PCDHA4: variants seen among roughly 807,000 people sequenced by gnomAD.
PCDHA4 encodes protocadherin alpha 4, also known as protocadherin alpha-4.
PCDHA4 carries 49 observed loss-of-function variants against 61.4 expected under a neutral mutation model. The observed-to-expected ratio is 0.80, with a 90% confidence interval of 0.63 to 1.01. The LOEUF is 1.01. Among genes scored for constraint, PCDHA4 ranks in the 50% least tolerant of loss-of-function variants. The pLI, the probability that PCDHA4 is intolerant of heterozygous loss-of-function variation, is 0.00. For synonymous variants in PCDHA4, 590 were observed against 550.3 expected, an observed-to-expected ratio of 1.07 and a Z score of -1.01; for missense variants, 1,254 against 1,235.8, an observed-to-expected ratio of 1.01 and a Z score of -0.22.
At chr5:140,910,690 G>T (rs2153515620) in intron 1 of PCDHA4, among the ~76,000 whole-genome samples, 1 of 152,224 alleles carries the variant, frequency 6.6e-6, no homozygotes, top group African/African-American at 2.4e-5. Context: ...GGCATTTCCA[G>T]CTTGCTCACA....
At chr5:140,938,536 G>T (rs1443736475) in intron 1 of PCDHA4, among the ~76,000 whole-genome samples, 2 of 140,060 alleles carry the variant, frequency 1.4e-5, no homozygotes, top group Non-Finnish European at 3.2e-5. Context: ...TGGATAATAT[G>T]GATTTTTATC....
chr5:140,922,049 T>G (rs1368623726), intron 1 of PCDHA4, among the ~76,000 whole-genome samples: 1 of 152,066 alleles, frequency 6.6e-6, no homozygotes, highest in African/African-American at 2.4e-5. Context: ...CCCACATACC[T>G]TCAAAATGTA....
In PCDHA4 at chr5:140,858,035, ACTGTG is replaced by A. The variant is rs564025916; in HGVS notation, c.2385+48466_2385+48470del. On this transcript the variant is annotated intron_variant, in intron 1 of 3. Transcript: ENST00000530339. Reference sequence around the variant, plus strand: ...CGAGCCGTCGCTGACGGCCACGGCCACTGTGCTTGTGTCGCTTGTGGAGGGCAGCC... The same window carrying A: ...CGAGCCGTCGCTGACGGCCACGGCCACTTGTGTCGCTTGTGGAGGGCAGCC... The A allele has an allele frequency of 2.7e-4, 428 of 1,597,220 alleles. 17 individuals are homozygous for A. The African/African-American group carries it at 5.1e-3, about 19-fold the overall frequency.
At chr5:140,843,758 A>T (rs2150366226) in intron 1 of PCDHA4, 1 of 1,503,376 alleles carries the variant, frequency 6.7e-7, no homozygotes, top group East Asian at 2.3e-5. Flanking sequence ...CTATTTGTGG[A>T]AATTGTAGTT....
At chr5:140,809,616 C>G (rs1193307431) in intron 1 of PCDHA4, 44 bp downstream of exon 1, 1 of 1,514,914 alleles carries the variant, frequency 6.6e-7, no homozygotes, top group Admixed American at 2.2e-5. Context: ...TATTGTTTTT[C>G]TCTATCAACT....
chr5:140,984,359 T>A (rs1372089743), intron 3 of PCDHA4, among the ~76,000 whole-genome samples: 1 of 152,242 alleles, frequency 6.6e-6, no homozygotes, highest in Non-Finnish European at 1.5e-5. Flanking sequence ...ATTTCATACA[T>A]CTGGCCAAGT....
chr5:140,891,861 T>C (rs1346164388), intron 1 of PCDHA4, among the ~76,000 whole-genome samples: 1 of 152,174 alleles, frequency 6.6e-6, no homozygotes, highest in Non-Finnish European at 1.5e-5. Context: ...GTCCCTCTCT[T>C]ATGCTTTTGG....
intron 1 of PCDHA4, chr5:140,926,648 G>A (rs1319870606): frequency 2.5e-5 from 12 of 475,704 alleles, no homozygotes; most frequent in Non-Finnish European, 3.5e-6. Context: ...CACCCGGCCG[G>A]CTCCGCTTTC....
At position 140,869,552 on chromosome 5, in the gene PCDHA4, C is replaced by T. The variant is rs537127263; in HGVS notation, c.2385+59980C>T. ...ATTGCGGAATCTAAGCAATCGGACTCGCGTTTTCCACTAGAGGGAGCTTCT... is the reference window on the plus strand; with the variant it reads ...ATTGCGGAATCTAAGCAATCGGACTTGCGTTTTCCACTAGAGGGAGCTTCT... On this transcript the variant is annotated intron_variant, in intron 1 of 3. Transcript: ENST00000530339. 4 of 1,614,140 alleles carry T rather than the reference C, an allele frequency of 2.5e-6. No homozygotes were observed. In the East Asian group the frequency reaches 6.7e-5, roughly 27 times the overall value.
chr5:140,951,141 T>G (rs2094552248), intron 1 of PCDHA4, among the ~76,000 whole-genome samples: 1 of 100,612 alleles, frequency 9.9e-6, no homozygotes, highest in Non-Finnish European at 2.0e-5. Context: ...TTCCTTTATC[T>G]TATTGAATAT....
chr5:140,926,997 C>G (rs782110120), intron 1 of PCDHA4: 4 of 1,612,104 alleles, frequency 2.5e-6, no homozygotes, highest in African/African-American at 2.7e-5. Flanking sequence ...GGGGCGTAGC[C>G]GTAGGCAATC....
intron 3 of PCDHA4, among the ~76,000 whole-genome samples, chr5:141,001,942 TAAG>T (rs140166770): frequency 0.017 from 2,515 of 151,936 alleles, 63 homozygotes; most frequent in African/African-American, 0.058. Context: ...TGAGCGGAAA[TAAG>T]GAGGAGGGAG....
At chr5:140,871,405 C>T (rs1554165555) in intron 1 of PCDHA4, 10 of 1,614,106 alleles carry the variant, frequency 6.2e-6, no homozygotes, top group Non-Finnish European at 7.6e-6. Flanking sequence ...TAAGACGGAC[C>T]TCATGGCCTT....
intron 1 of PCDHA4, among the ~76,000 whole-genome samples, chr5:140,846,538 C>A (rs553937365): frequency 1.3e-5 from 2 of 148,384 alleles, no homozygotes; most frequent in African/African-American, 4.9e-5. Context: ...CCATGCCCTG[C>A]TAATTTTTTG....
At chr5:140,941,214 C>CTTTCTTTCTTTCTTTTT (rs1554214039) in intron 1 of PCDHA4, among the ~76,000 whole-genome samples, 1 of 122,414 alleles carries the variant, frequency 8.2e-6, no homozygotes, top group East Asian at 2.3e-4. Context: ...TTTCTTTCTT[C>CTTTCTTTCTTTCTTTTT]CTTTCTTTCT....
intron 1 of PCDHA4, among the ~76,000 whole-genome samples, chr5:140,833,040 A>T (rs1043958176): frequency 3.9e-5 from 6 of 152,216 alleles, no homozygotes; most frequent in Non-Finnish European, 8.8e-5. Context: ...TGTGATATAA[A>T]GCAAGAAAAG....
chr5:140,883,787 T>C (rs2059820580), intron 1 of PCDHA4: 2 of 1,612,408 alleles, frequency 1.2e-6, no homozygotes, highest in Non-Finnish European at 1.7e-6. Context: ...GCTGTCGAGC[T>C]ACGTGTCGGT....
At chr5:140,853,620 T>C (rs2042810253) in intron 1 of PCDHA4, 2 of 988,130 alleles carry the variant, frequency 2.0e-6, no homozygotes, top group African/African-American at 1.8e-5. Context: ...TGTAAATAAG[T>C]ATACAAGATC....
chr5:140,866,148 A>G (rs1031440226), intron 1 of PCDHA4: 4 of 152,180 alleles, frequency 2.6e-5, no homozygotes, highest in South Asian at 4.1e-4. Flanking sequence ...TGGAAGTGAT[A>G]TAAGTAAGAA....
Sources: allele counts gnomAD v4.1 joint callset (sites outside exome capture counted in the v4.1 genomes callset), GRCh38; gene constraint gnomAD v4.1.1; transcripts MANE v1.5; gene names NCBI Gene and HGNC (gene_info 2026-07-23, HGNC 2026-07-21).